The following ERBB4 variants were observed in gnomAD, a reference collection of about 807,000 sequenced individuals.
The protein encoded by ERBB4 is erb-b2 receptor tyrosine kinase 4, also known as receptor tyrosine-protein kinase erbB-4.
Under a neutral mutation model 158.0 loss-of-function variants are expected in ERBB4, and 42 were observed. The ratio of observed to expected loss-of-function variants is 0.27; its 90% CI spans 0.21 to 0.34. ERBB4 has a LOEUF of 0.34. Ranked by LOEUF, ERBB4 falls within the 10% of genes least tolerant of loss-of-function variation. The pLI is 1.00. For synonymous variants in ERBB4, 583 were observed against 558.7 expected (o/e 1.04, Z -0.61); for missense variants, 1,333 against 1,624.1 (o/e 0.82, Z 3.08).
intron 6 of ERBB4, 91 bp from the exon 7 acceptor site, chr2:211,722,625 T>C: frequency 5.5e-6 from 7 of 1,268,250 alleles, no homozygotes; most frequent in Admixed American, 5.4e-5. Flanking sequence ...TTTTTTTCTA[T>C]AATAATTCCA....
At chr2:211,577,589 A>G (rs2067929284) in intron 19 of ERBB4, among the ~76,000 whole-genome samples, 1 of 152,174 alleles carries the variant, frequency 6.6e-6, no homozygotes, top group African/African-American at 2.4e-5. Context: ...TGAATCCAGA[A>G]GCAAATTGAA....
chr2:212,151,972 A>G (rs974454714), intron 1 of ERBB4, among the ~76,000 whole-genome samples: 1 of 152,174 alleles, frequency 6.6e-6, no homozygotes, highest in African/African-American at 2.4e-5. Flanking sequence ...TCCACTCTTT[A>G]TTCTAGGCAA....
chr2:211,734,505 A>C (rs2074536310), intron 5 of ERBB4, among the ~76,000 whole-genome samples: 2 of 152,168 alleles, frequency 1.3e-5, no homozygotes, highest in South Asian at 2.1e-4. Context: ...ATATGTATAG[A>C]AAAATGTTCA....
chr2:212,008,035 T>G (rs2076296764), intron 2 of ERBB4, among the ~76,000 whole-genome samples: 1 of 152,058 alleles, frequency 6.6e-6, no homozygotes, highest in Admixed American at 6.6e-5. Context: ...ATAACAAACA[T>G]AAGCATATTC....
rs540928378 is a variant in ERBB4 at position 211,888,532 on chromosome 2, C to T, written c.421+58898G>A. 6.6e-5 allele frequency among the ~76,000 whole-genome samples: 10 copies of T among 152,064 alleles called. No individual in the cohort carries two copies. In the South Asian group the frequency reaches 2.1e-3, roughly 32 times the overall value. On this transcript the variant is annotated intron_variant, in intron 3 of 27. Transcript: ENST00000342788. ...CTTATGCAGGTAAATATTCATTTCA[C>T]GACAGGGGAGGAGCCAAGATGGCTG...
intron 1 of ERBB4, among the ~76,000 whole-genome samples, chr2:212,270,021 A>T (rs1330414515): frequency 6.6e-6 from 1 of 151,830 alleles, no homozygotes; most frequent in East Asian, 1.9e-4. Context: ...CTGTATCAGA[A>T]ATTCCATAAA....
chr2:211,967,169 A>T (rs570137278), intron 2 of ERBB4, among the ~76,000 whole-genome samples: 26 of 152,208 alleles, frequency 1.7e-4, no homozygotes, highest in African/African-American at 5.5e-4. Flanking sequence ...GAATTTGTTC[A>T]AAATAGAATA....
chr2:211,944,855 G>A (rs1559156739), intron 3 of ERBB4, among the ~76,000 whole-genome samples: 1 of 152,058 alleles, frequency 6.6e-6, no homozygotes, highest in Non-Finnish European at 1.5e-5. Context: ...TGCTCATGGT[G>A]ATGGTCCATT....
intron 13 of ERBB4, among the ~76,000 whole-genome samples, chr2:211,678,310 CAAACAAACAAA>C (rs2072176603): frequency 9.6e-6 from 1 of 103,714 alleles, no homozygotes; most frequent in African/African-American, 3.1e-5. Context: ...CAAAAAAAAA[CAAACAAACAAA>C]AAAAAAAAAA....
intron 1 of ERBB4, among the ~76,000 whole-genome samples, chr2:212,373,444 T>C (rs559109237): frequency 6.6e-6 from 1 of 152,022 alleles, no homozygotes; most frequent in Non-Finnish European, 1.5e-5. Context: ...ATAATAATGA[T>C]AGTAATAGTT....
At chr2:212,361,438 A>C (rs1192623849) in intron 1 of ERBB4, among the ~76,000 whole-genome samples, 1 of 151,612 alleles carries the variant, frequency 6.6e-6, no homozygotes, top group East Asian at 1.9e-4. Flanking sequence ...TTTTGCATAT[A>C]GGCTGTCTGT....
intron 19 of ERBB4, among the ~76,000 whole-genome samples, chr2:211,579,935 C>T (rs2125766420): frequency 6.6e-6 from 1 of 152,236 alleles, no homozygotes; most frequent in African/African-American, 2.4e-5. Flanking sequence ...AACAAACCTG[C>T]ACATGTAGCC....
At position 211,375,751 on chromosome 2, in the gene ERBB4, T is replaced by C; in HGVS notation, c.*7864A>G. The C allele has an allele frequency of 4.3e-6, 1 of 230,120 alleles. No individual in the cohort carries two copies. The highest frequency in any genetic ancestry group is 8.6e-6 in the Non-Finnish European group (1 of 115,808). 14.3% of individuals were successfully genotyped at this position (230,120 alleles called of 1,614,324 possible). A position where few individuals can be genotyped will look rare whatever the true frequency, so the allele number is the denominator to read the frequency against. On this transcript the variant is annotated 3_prime_UTR_variant, in exon 28 of 28. Transcript: ENST00000342788. Reference sequence around the variant, plus strand: ...TTCATATTTTATTGAATTTCATTTATATTAAATTAAAAATATATTTCTGAC... The same window carrying C: ...TTCATATTTTATTGAATTTCATTTACATTAAATTAAAAATATATTTCTGAC...
chr2:211,892,516 C>G (rs1267837904), intron 3 of ERBB4, among the ~76,000 whole-genome samples: 1 of 139,602 alleles, frequency 7.2e-6, no homozygotes, highest in Non-Finnish European at 1.5e-5. Context: ...GATGCCCTCT[C>G]TCACCACTCC....
intron 7 of ERBB4, among the ~76,000 whole-genome samples, chr2:211,721,350 G>T (rs2074083132): frequency 7.1e-6 from 1 of 141,522 alleles, no homozygotes; most frequent in African/African-American, 2.6e-5. Flanking sequence ...GTATAGCACA[G>T]ACTATAAATA....
intron 1 of ERBB4, among the ~76,000 whole-genome samples, chr2:212,195,135 CTATA>C (rs1289475923): frequency 6.6e-6 from 1 of 151,960 alleles, no homozygotes; most frequent in Non-Finnish European, 1.5e-5. Flanking sequence ...TCGCCATTAA[CTATA>C]TAAAGTATTA....
intron 7 of ERBB4, among the ~76,000 whole-genome samples, chr2:211,718,766 A>C (rs2106109835): frequency 6.6e-6 from 1 of 152,320 alleles, no homozygotes; most frequent in South Asian, 2.1e-4. Context: ...CACAGTGAAA[A>C]GATAATGTGT....
At chr2:211,940,188 C>T (rs1189475617) in intron 3 of ERBB4, among the ~76,000 whole-genome samples, 2 of 151,976 alleles carry the variant, frequency 1.3e-5, no homozygotes, top group Non-Finnish European at 2.9e-5. Context: ...GTCTGAAAGC[C>T]AGATGAAGCT....
At chr2:212,206,884 G>A (rs1243296854) in intron 1 of ERBB4, among the ~76,000 whole-genome samples, 4 of 151,688 alleles carry the variant, frequency 2.6e-5, no homozygotes, top group Admixed American at 1.3e-4. Context: ...CACCGCGCCC[G>A]GCCTAGTCTG....
Sources: gnomAD v4.1 joint callset for allele counts (sites outside exome capture counted in the v4.1 genomes callset) on GRCh38, gnomAD v4.1.1 for gene constraint, MANE v1.5 for transcripts, NCBI Gene and HGNC (gene_info 2026-07-23, HGNC 2026-07-21) for gene names.